MMS22L: variants seen among roughly 807,000 people sequenced by gnomAD.
The protein encoded by MMS22L is MMS22 like, DNA repair protein, also known as protein MMS22-like.
MMS22L carries 74 observed loss-of-function variants against 159.1 expected under a neutral mutation model. That is an observed-to-expected ratio of 0.47 (90% CI 0.39 to 0.56). The LOEUF (loss-of-function observed/expected upper bound fraction) is 0.56. Among genes scored for constraint, MMS22L ranks in the 20% least tolerant of loss-of-function variants. MMS22L has a pLI of 0.00. For missense variants in MMS22L, 1,351 were observed against 1,422.1 expected (o/e 0.95, Z 0.80); for synonymous variants, 517 against 506.9 (o/e 1.02, Z -0.27).
intron 12 of MMS22L, among the ~76,000 whole-genome samples, chr6:97,232,427 T>C (rs1487420173): frequency 1.3e-5 from 2 of 152,202 alleles, no homozygotes; most frequent in Non-Finnish European, 2.9e-5. Context: ...GTATTTTCTT[T>C]ACAGTTTTCA....
At chr6:97,263,300 G>T in intron 9 of MMS22L, 35 bp downstream of exon 9, 1 of 1,264,488 alleles carries the variant, frequency 7.9e-7, no homozygotes, top group Non-Finnish European at 1.1e-6. Context: ...ATAAAGGTTA[G>T]TAACAATAAC....
chr6:97,179,092 A>T (rs1311253808), intron 17 of MMS22L, among the ~76,000 whole-genome samples: 2 of 152,110 alleles, frequency 1.3e-5, no homozygotes, highest in African/African-American at 4.8e-5. Flanking sequence ...TCAGAGTTCT[A>T]CTTTTTTCGT....
intron 15 of MMS22L, among the ~76,000 whole-genome samples, chr6:97,186,236 C>G (rs1332154815): frequency 6.6e-6 from 1 of 152,004 alleles, no homozygotes; most frequent in African/African-American, 2.4e-5. Flanking sequence ...AGTTTACCTT[C>G]CAAAATATTA....
chr6:97,200,907 C>CTT (rs1474994820), intron 14 of MMS22L, among the ~76,000 whole-genome samples: 76 of 152,138 alleles, frequency 5.0e-4, no homozygotes, highest in African/African-American at 1.8e-3. Flanking sequence ...AAGAACAATG[C>CTT]AAAAGTAGTT....
At chr6:97,178,661 T>C (rs1804370132) in intron 17 of MMS22L, 76 bp from the exon 18 acceptor site, 1 of 679,504 alleles carries the variant, frequency 1.5e-6, no homozygotes, top group Non-Finnish European at 2.3e-6. Flanking sequence ...ACAACATATA[T>C]ATAATGTATA....
chr6:97,282,229 A>G (rs1221666792), intron 2 of MMS22L, 85 bp downstream of exon 2: 4 of 1,413,742 alleles, frequency 2.8e-6, no homozygotes, highest in African/African-American at 1.4e-5. Context: ...GGTGAACACC[A>G]AAGTTTAATG....
intron 9 of MMS22L, chr6:97,261,030 CTT>C (rs1375448959): frequency 6.6e-6 from 1 of 152,108 alleles, no homozygotes; most frequent in Non-Finnish European, 1.5e-5. Flanking sequence ...CATGTGGACA[CTT>C]TTATGTTTCT....
In MMS22L at chr6:97,205,987, C is replaced by T. The variant is rs570327877; in HGVS notation, c.2040-19297G>A. 3.3e-5 allele frequency among the ~76,000 whole-genome samples: 5 copies of T among 152,252 alleles called. No individual in the cohort carries two copies. The East Asian group carries it at 9.7e-4, about 29-fold the overall frequency. ...ATTATACTTTAATTGTATTGTGAGG[C>T]ATGCATTAATCACAAAGTTTAAGCA... is the stretch of plus-strand genomic sequence containing the variant. On this transcript the variant is annotated intron_variant, in intron 14 of 24. Coordinates refer to ENST00000683635, the MANE Select transcript of MMS22L (RefSeq NM_001350599.2).
At chr6:97,205,182 A>T (rs922057062) in intron 14 of MMS22L, among the ~76,000 whole-genome samples, 1 of 151,516 alleles carries the variant, frequency 6.6e-6, no homozygotes, top group African/African-American at 2.4e-5. Context: ...TGACCTCGTG[A>T]TCTGCCCATC....
intron 21 of MMS22L, among the ~76,000 whole-genome samples, chr6:97,164,559 C>T (rs1227930448): frequency 6.6e-6 from 1 of 151,556 alleles, no homozygotes; most frequent in Non-Finnish European, 1.5e-5. Context: ...CTTCAGGGTG[C>T]TTCATTTCCA....
chr6:97,225,024 C>T (rs1810071828), intron 14 of MMS22L, among the ~76,000 whole-genome samples: 1 of 151,894 alleles, frequency 6.6e-6, no homozygotes, highest in Non-Finnish European at 1.5e-5. Flanking sequence ...TTTAGATGAG[C>T]CACAAAAAAG....
At chr6:97,150,127 A>G (rs1280082146) in intron 23 of MMS22L, 107 bp from the exon 24 acceptor site, 3 of 786,984 alleles carry the variant, frequency 3.8e-6, no homozygotes, top group Non-Finnish European at 5.8e-6. Context: ...TCATTTCATA[A>G]AAGTTTACTG....
At chr6:97,188,965 A>G (rs1266337669) in intron 14 of MMS22L, among the ~76,000 whole-genome samples, 1 of 151,654 alleles carries the variant, frequency 6.6e-6, no homozygotes, top group Admixed American at 6.6e-5. Flanking sequence ...TTCTCAAAAT[A>G]ATTTAAAAAT....
At chr6:97,247,904 G>T (rs1291385759) in intron 10 of MMS22L, among the ~76,000 whole-genome samples, 1 of 152,056 alleles carries the variant, frequency 6.6e-6, no homozygotes, top group Admixed American at 6.5e-5. Context: ...TAAATGGCTA[G>T]GCAATATTCA....
intron 10 of MMS22L, among the ~76,000 whole-genome samples, chr6:97,248,004 C>T (rs1281223912): frequency 2.0e-5 from 3 of 152,172 alleles, no homozygotes; most frequent in Non-Finnish European, 2.9e-5. Flanking sequence ...AAGATGTCCC[C>T]CAGTGACCTT....
intron 14 of MMS22L, among the ~76,000 whole-genome samples, chr6:97,228,602 T>G (rs1429957634): frequency 6.6e-6 from 1 of 152,196 alleles, no homozygotes; most frequent in Non-Finnish European, 1.5e-5. Context: ...ATGTTTAGAC[T>G]TGGGTCCCCT....
chr6:97,149,422 G>C (rs1801105549), intron 24 of MMS22L, among the ~76,000 whole-genome samples: 1 of 151,940 alleles, frequency 6.6e-6, no homozygotes, highest in Admixed American at 6.6e-5. Flanking sequence ...GTCTAATTGG[G>C]TCACTTATTC....
chr6:97,260,878 G>C (rs1014822697), intron 9 of MMS22L: 1 of 151,394 alleles, frequency 6.6e-6, no homozygotes, highest in Non-Finnish European at 1.5e-5. Flanking sequence ...GGTGGGAGAG[G>C]GTATGAGTCC....
intron 14 of MMS22L, 50 bp from the exon 15 acceptor site, chr6:97,186,740 A>G (rs770106017): frequency 7.6e-7 from 1 of 1,316,520 alleles, no homozygotes; most frequent in Non-Finnish European, 1.0e-6. Flanking sequence ...TGCTTACAAA[A>G]ATCTTCTTAA....
Sources: allele counts gnomAD v4.1 joint callset (sites outside exome capture counted in the v4.1 genomes callset), GRCh38; gene constraint gnomAD v4.1.1; transcripts MANE v1.5; gene names NCBI Gene and HGNC (gene_info 2026-07-23, HGNC 2026-07-21).